The following AGMO variants were observed in gnomAD, a reference collection of about 807,000 sequenced individuals.
AGMO encodes glyceryl-ether monooxygenase.
A neutral mutation model predicts 60.2 loss-of-function variants in AGMO; 75 were observed. The observed-to-expected ratio is 1.25, with a 90% CI of 1.03 to 1.51. The LOEUF (loss-of-function observed/expected upper bound fraction) is 1.51. Ranked by LOEUF, AGMO falls within the 40% of genes most tolerant of loss-of-function variation. The pLI, the probability that AGMO is intolerant of heterozygous loss-of-function variation, is 0.00. For synonymous variants in AGMO, 261 were observed against 177.1 expected, an observed-to-expected ratio of 1.47 and a Z score of -3.76; for missense variants, 763 against 525.5, an observed-to-expected ratio of 1.45 and a Z score of -4.42.
At chr7:15,156,132 C>A in the AGMO span, among the ~76,000 whole-genome samples, 18 of 152,132 alleles carry the variant, frequency 1.2e-4, no homozygotes, top group African/African-American at 3.6e-4. Flanking sequence ...GGCAGGGAGT[C>A]CATGTGTGCA....
chr7:15,404,262 T>A (rs909400660), intron 5 of AGMO, among the ~76,000 whole-genome samples: 9 of 151,896 alleles, frequency 5.9e-5, no homozygotes, highest in African/African-American at 1.9e-4. Context: ...GCGTTTATAA[T>A]AAATTATCTT....
At chr7:15,407,228 A>AATAGATATATAT (rs1332532741) in intron 5 of AGMO, among the ~76,000 whole-genome samples, 830 of 72,408 alleles carry the variant, frequency 0.011, 13 homozygotes, top group African/African-American at 0.036. Context: ...CTTTCTTTGG[A>AATAGATATATAT]ATACATATAT....
chr7:15,181,992 C>G, the AGMO span, among the ~76,000 whole-genome samples: 1 of 152,032 alleles, frequency 6.6e-6, no homozygotes, highest in African/African-American at 2.4e-5. Flanking sequence ...AAAGGACAAA[C>G]AGAATTTGGT....
chr7:15,298,220 A>C (rs558345693), intron 12 of AGMO, among the ~76,000 whole-genome samples: 1 of 152,308 alleles, frequency 6.6e-6, no homozygotes, highest in South Asian at 2.1e-4. Context: ...TAATGTGATA[A>C]AAAATGCAGT....
chr7:15,228,945 G>A (rs1428932727), intron 12 of AGMO, among the ~76,000 whole-genome samples: 1 of 152,086 alleles, frequency 6.6e-6, no homozygotes. Context: ...AGGAAAAGGG[G>A]TTAAATTTAA....
chr7:15,124,159 GCAAAA>G, the AGMO span, among the ~76,000 whole-genome samples: 1 of 151,996 alleles, frequency 6.6e-6, no homozygotes, highest in Non-Finnish European at 1.5e-5. Context: ...TAAAAGGCAG[GCAAAA>G]CAAAACAAAA....
At chr7:15,390,495 G>T (rs1254075845) in intron 8 of AGMO, among the ~76,000 whole-genome samples, 176 bp downstream of exon 8, 1 of 152,084 alleles carries the variant, frequency 6.6e-6, no homozygotes, top group Non-Finnish European at 1.5e-5. Flanking sequence ...TATTTTGCCT[G>T]ATTTGATTCA....
chr7:15,226,003 T>C (rs1168549061), intron 12 of AGMO, among the ~76,000 whole-genome samples: 2 of 152,032 alleles, frequency 1.3e-5, no homozygotes, highest in Admixed American at 6.6e-5. Flanking sequence ...TCAGCTTCTA[T>C]GATGATGTGT....
chr7:15,389,834 C>T (rs1276470570), intron 8 of AGMO, among the ~76,000 whole-genome samples: 3 of 152,180 alleles, frequency 2.0e-5, no homozygotes, highest in East Asian at 1.9e-4. Context: ...TTTTCTGCTG[C>T]GCTGTTAGCA....
intron 12 of AGMO, among the ~76,000 whole-genome samples, chr7:15,294,978 G>A (rs1784370810): frequency 6.6e-6 from 1 of 151,594 alleles, no homozygotes; most frequent in African/African-American, 2.4e-5. Flanking sequence ...AAAAATTATG[G>A]AAGAAACTAA....
At chr7:15,215,446 C>T (rs577901014) in intron 12 of AGMO, among the ~76,000 whole-genome samples, 3 of 151,924 alleles carry the variant, frequency 2.0e-5, no homozygotes, top group South Asian at 2.1e-4. Context: ...AGTTGTACAC[C>T]GGAATTCTCC....
intron 3 of AGMO, among the ~76,000 whole-genome samples, chr7:15,492,442 C>A (rs910356310): frequency 6.6e-6 from 1 of 151,332 alleles, no homozygotes; most frequent in African/African-American, 2.4e-5. Context: ...CTATATAAGT[C>A]CTATGGAGAC....
chr7:15,139,650 A>T, the AGMO span, among the ~76,000 whole-genome samples: 1 of 151,802 alleles, frequency 6.6e-6, no homozygotes, highest in African/African-American at 2.4e-5. Flanking sequence ...GCCAGGTATT[A>T]GAGTTGTTTA....
intron 5 of AGMO, among the ~76,000 whole-genome samples, chr7:15,417,026 T>TA (rs1780792121): frequency 6.6e-6 from 1 of 152,188 alleles, no homozygotes; most frequent in African/African-American, 2.4e-5. Flanking sequence ...ATGTTGTGTA[T>TA]AATAAACGAA....
chr7:15,420,440 T>C (rs949763307), intron 4 of AGMO, among the ~76,000 whole-genome samples: 1 of 152,144 alleles, frequency 6.6e-6, no homozygotes, highest in Non-Finnish European at 1.5e-5. Context: ...ATAAGCTCAC[T>C]ATGAATTCCA....
intron 3 of AGMO, among the ~76,000 whole-genome samples, chr7:15,493,460 GC>G (rs542078102): frequency 5.5e-4 from 72 of 130,972 alleles, no homozygotes; most frequent in African/African-American, 2.0e-3. Context: ...TGCAAGCTCC[GC>G]CTCCCGGGTT....
chr7:15,389,410 T>C (rs1163625498), intron 8 of AGMO, among the ~76,000 whole-genome samples: 1 of 152,230 alleles, frequency 6.6e-6, no homozygotes. Context: ...AAGCTTATTA[T>C]TAAGAAAGGA....
At chr7:15,281,126 T>C (rs1052683784) in intron 12 of AGMO, among the ~76,000 whole-genome samples, 1 of 152,036 alleles carries the variant, frequency 6.6e-6, no homozygotes, top group East Asian at 1.9e-4. Context: ...AGAATCCAGA[T>C]GGCAGGACTT....
At chr7:15,185,325 G>A in the AGMO span, among the ~76,000 whole-genome samples, 4,419 of 152,156 alleles carry the variant, frequency 0.029, 106 homozygotes, top group Middle Eastern at 0.071. Context: ...TGTTTTACTG[G>A]CCTTTCCACT....
Sources: gnomAD v4.1 joint callset for allele counts (sites outside exome capture counted in the v4.1 genomes callset) on GRCh38, gnomAD v4.1.1 for gene constraint, MANE v1.5 for transcripts, NCBI Gene and HGNC (gene_info 2026-07-23, HGNC 2026-07-21) for gene names.